The following PCDH19 variants were observed in gnomAD, a reference collection of about 807,000 sequenced individuals.
PCDH19 encodes the protein protocadherin-19.
A neutral mutation model predicts 46.2 loss-of-function variants in PCDH19; 6 were observed. The observed-to-expected ratio is 0.13, with a 90% CI of 0.07 to 0.26. PCDH19 has a LOEUF of 0.26. Among genes scored for constraint, PCDH19 ranks in the 10% least tolerant of loss-of-function variants. PCDH19 has a pLI of 1.00. For synonymous variants in PCDH19, 481 were observed against 415.7 expected, an observed-to-expected ratio of 1.16 and a Z score of -1.91; for missense variants, 740 against 972.3, an observed-to-expected ratio of 0.76 and a Z score of 3.18.
intron 3 of PCDH19, among the ~76,000 whole-genome samples, chrX:100,386,207 C>A (rs778556095): frequency 9.0e-6 from 1 of 111,004 alleles, no homozygotes; most frequent in African/African-American, 3.3e-5. Flanking sequence ...TGGGACCTAG[C>A]GAACAGCAGC....
chrX:100,323,057 GAC>G (rs1925570912), intron 5 of PCDH19, among the ~76,000 whole-genome samples: 1 of 108,343 alleles, frequency 9.2e-6, no homozygotes, highest in Non-Finnish European at 1.9e-5. Flanking sequence ...GAAACTTGAA[GAC>G]TCAAGCTGTG....
Position 100,407,565 on chromosome X carries a change from C to T in PCDH19, c.1033G>A (p.Val345Ile). 8.3e-7 allele frequency: 1 copy of T among 1,211,269 alleles called. No individual in the cohort carries two copies. Among genetic ancestry groups the T allele is most frequent in the Non-Finnish European group, 1.1e-6 (1 of 895,361 alleles). Residue 345 changes from valine to isoleucine, a missense_variant, in exon 1 of 6, where the codon GTC becomes ATC. Val to Ile is a conservative substitution (Grantham distance 29). Around this residue, in one of 5 missense-constraint regions of PCDH19, gnomAD observed 186 missense variants for 319.9 expected, o/e 0.58. Transcript: ENST00000373034. ...CTGTTGACTGACAGCAGGTTGATGA[C>T]CGGCGGATTGTCATTGGTGTCCAGC... ...SVLDTNDNPP[V>I]INLLSVNSEL...
In PCDH19 at chrX:100,292,630, T is replaced by G. The variant is rs1020145988; in HGVS notation, c.*3647A>C. 1 of 111,746 alleles carries G rather than the reference T, an allele frequency of 8.9e-6. No individual in the cohort carries two copies. The highest frequency in any genetic ancestry group is 3.3e-5 in the African/African-American group (1 of 30,707). The allele number at this position is 111,746 out of a possible 1,213,427, so 9.2% of individuals were successfully genotyped here. On this transcript the variant is annotated 3_prime_UTR_variant, in exon 6 of 6. Transcript: ENST00000373034. The stretch of plus-strand genomic sequence containing the variant: ...CCCAGCCCCACCCCCAAACATCCCC[T>G]TTGAATATTACTTTGTTACATACTT...
In PCDH19 at chrX:100,306,049, T is replaced by C. The variant is rs189308365; in HGVS notation, c.2849-9174A>G. Among the ~76,000 whole-genome samples, 72 of 111,721 alleles carry C rather than the reference T, an allele frequency of 6.4e-4. 1 individual carries two copies. Among genetic ancestry groups the C allele is most frequent in the African/African-American group, 2.2e-3 (69 of 30,823 alleles). On this transcript the variant is annotated intron_variant, in intron 5 of 5. Transcript: ENST00000373034. ...ACAAAGAAACAATGGACTTAAACTATAACCTACAGCAAATGGACTTAACAG... is the reference window on the plus strand; with the variant it reads ...ACAAAGAAACAATGGACTTAAACTACAACCTACAGCAAATGGACTTAACAG...
intron 3 of PCDH19, among the ~76,000 whole-genome samples, chrX:100,387,045 A>C (rs961304031): frequency 1.8e-5 from 2 of 111,598 alleles, no homozygotes; most frequent in African/African-American, 6.5e-5. Flanking sequence ...AGAGTGAAGC[A>C]TCTGTGTGAG....
chrX:100,362,733 C>A (rs1209968113), intron 3 of PCDH19, among the ~76,000 whole-genome samples: 1 of 105,052 alleles, frequency 9.5e-6, no homozygotes, highest in Non-Finnish European at 2.0e-5. Context: ...GGAGGCAGGG[C>A]TTGCAGTGAG....
chrX:100,311,668 A>G (rs1323670003), intron 5 of PCDH19, among the ~76,000 whole-genome samples: 3 of 111,493 alleles, frequency 2.7e-5, no homozygotes, highest in Non-Finnish European at 5.7e-5. Flanking sequence ...CAGTAAACCA[A>G]TCACTGTCTC....
At chrX:100,323,012 A>C (rs754959689) in intron 5 of PCDH19, among the ~76,000 whole-genome samples, 5 of 108,181 alleles carry the variant, frequency 4.6e-5, no homozygotes, top group African/African-American at 1.4e-4. Flanking sequence ...CTTAAATATC[A>C]ACATGAGCAA....
intron 5 of PCDH19, among the ~76,000 whole-genome samples, chrX:100,318,704 T>C (rs1925383971): frequency 9.0e-6 from 1 of 111,257 alleles, no homozygotes; most frequent in Admixed American, 9.5e-5. Context: ...ATGGGGAAAG[T>C]AGGAAACGAG....
intron 5 of PCDH19, among the ~76,000 whole-genome samples, chrX:100,325,396 A>C (rs1356087777): frequency 1.4e-4 from 11 of 80,852 alleles, no homozygotes; most frequent in Non-Finnish European, 4.6e-5. Context: ...TTTGAGACGG[A>C]GTCTCACTCT....
chrX:100,342,048 G>T lies in PCDH19; in HGVS notation c.2703C>A (p.Gly901=), dbSNP rs748948987. 1 of 1,207,917 alleles carries T rather than the reference G, an allele frequency of 8.3e-7. No individual in the cohort carries two copies. The highest frequency in any genetic ancestry group is 1.1e-6 in the Non-Finnish European group (1 of 893,495). Reference sequence around the variant, plus strand: ...CATGTCCACTATCCTTCAGGCTGTTGCCCTCTAAGTCCTTGAAGGTGGAGC... The same window carrying T: ...CATGTCCACTATCCTTCAGGCTGTTTCCCTCTAAGTCCTTGAAGGTGGAGC... ...KSSSTFKDLE[G]NSLKDSGHEE... Residue 901 remains glycine, a synonymous_variant, in exon 5 of 6, where the codon GGC becomes GGA. Coordinates refer to ENST00000373034, the MANE Select transcript of PCDH19 (RefSeq NM_001184880.2).
intron 1 of PCDH19, among the ~76,000 whole-genome samples, chrX:100,405,563 C>T (rs1176178597): frequency 1.3e-5 from 1 of 78,060 alleles, no homozygotes; most frequent in Non-Finnish European, 2.4e-5. Flanking sequence ...CTCTCTCCCT[C>T]CCCCCCCCAT....
Position 100,295,094 on chromosome X carries a change from T to C in PCDH19, c.*1183A>G, listed in dbSNP as rs980119009. 1.4e-4 allele frequency: 16 copies of C among 112,319 alleles called. No homozygotes were observed. Among genetic ancestry groups the C allele is most frequent in the African/African-American group, 5.2e-4 (16 of 30,813 alleles). 9.3% of individuals were successfully genotyped at this position (112,319 alleles called of 1,213,427 possible). On this transcript the variant is annotated 3_prime_UTR_variant, in exon 6 of 6. Coordinates refer to ENST00000373034, the MANE Select transcript of PCDH19 (RefSeq NM_001184880.2). ...CACTTTGTACTGCTTACTCTATCCCTACGTATATAAGCCTAAGATACAGAG... is the reference window on the plus strand; with the variant it reads ...CACTTTGTACTGCTTACTCTATCCCCACGTATATAAGCCTAAGATACAGAG...
At chrX:100,402,432 G>C in intron 3 of PCDH19, 92 bp downstream of exon 3, 1 of 773,445 alleles carries the variant, frequency 1.3e-6, no homozygotes, top group South Asian at 2.2e-5. Flanking sequence ...CCCCTGCCAG[G>C]GGATGTGCCA....
intron 5 of PCDH19, among the ~76,000 whole-genome samples, chrX:100,300,668 G>A (rs925029873): frequency 9.0e-6 from 1 of 111,421 alleles, no homozygotes; most frequent in Non-Finnish European, 1.9e-5. Flanking sequence ...TTGTAAATTG[G>A]TTTTCCCTGC....
chrX:100,330,630 T>C (rs1925846059), intron 5 of PCDH19, among the ~76,000 whole-genome samples: 1 of 112,359 alleles, frequency 8.9e-6, no homozygotes, highest in African/African-American at 3.2e-5. Flanking sequence ...ACTTAGAGTC[T>C]AGGGACTAGA....
chrX:100,385,637 G>A (rs1927691682), intron 3 of PCDH19, among the ~76,000 whole-genome samples: 1 of 112,434 alleles, frequency 8.9e-6, no homozygotes, highest in African/African-American at 3.2e-5. Context: ...GCTCATGCCT[G>A]TAATCCCAGC....
At chrX:100,359,064 T>C (rs1434738434) in intron 3 of PCDH19, among the ~76,000 whole-genome samples, 1 of 111,844 alleles carries the variant, frequency 8.9e-6, no homozygotes, top group African/African-American at 3.3e-5. Flanking sequence ...TTATTTCCCC[T>C]TTAAAGAGCC....
chrX:100,405,551 C>T (rs1488588775), intron 1 of PCDH19, among the ~76,000 whole-genome samples: 1 of 96,672 alleles, frequency 1.0e-5, no homozygotes, highest in Admixed American at 1.1e-4. Flanking sequence ...TTCTATCCCT[C>T]TCTCTCTCCC....
Sources: allele counts gnomAD v4.1 joint callset (sites outside exome capture counted in the v4.1 genomes callset), GRCh38; gene constraint gnomAD v4.1.1; regional missense constraint gnomAD v4.1.1; transcripts MANE v1.5; gene names NCBI Gene and HGNC (gene_info 2026-07-23, HGNC 2026-07-21).